ZNF556: variants seen among roughly 807,000 people sequenced by gnomAD.
The protein encoded by ZNF556 is zinc finger protein 556.
Under a neutral mutation model 13.6 loss-of-function variants are expected in ZNF556, and 11 were observed. The ratio of observed to expected loss-of-function variants is 0.81; its 90% CI spans 0.51 to 1.33. The LOEUF is 1.33. ZNF556 is among the 40% of genes most tolerant of loss of function. The probability of loss-of-function intolerance (pLI) is 0.00; values close to 1 mark genes in which losing one functional copy is unlikely to be tolerated. For missense variants in ZNF556, 633 were observed against 566.2 expected, an observed-to-expected ratio of 1.12 and a Z score of -1.20; for synonymous variants, 229 against 207.8, an observed-to-expected ratio of 1.10 and a Z score of -0.88.
Position 2,877,716 on chromosome 19 carries a change from A to C in ZNF556, c.758A>C (p.His253Pro). 6.2e-7 allele frequency: 1 copy of C among 1,613,700 alleles called. No homozygotes were observed. ...PKSFRAHVMMHAGGRPYECKH... is the reference protein window; with the variant it reads ...PKSFRAHVMMPAGGRPYECKH... Reference sequence around the variant, plus strand: ...TCCTTTCGCGCACATGTGATGATGCACGCCGGAGGGAGACCGTATGAGTGC... The same window carrying C: ...TCCTTTCGCGCACATGTGATGATGCCCGCCGGAGGGAGACCGTATGAGTGC... Residue 253 changes from histidine to proline, a missense_variant, in exon 4 of 4, where the codon CAC (histidine) becomes CCC (proline). His to Pro is a moderately conservative substitution (Grantham distance 77, BLOSUM62 -2). Coordinates refer to ENST00000307635, the MANE Select transcript of ZNF556 (RefSeq NM_024967.3).
chr19:2,875,288 G>A (rs2087841404), intron 2 of ZNF556: 1 of 152,140 alleles, frequency 6.6e-6, no homozygotes, highest in Admixed American at 6.6e-5. Flanking sequence ...CTGTGTCTCA[G>A]GTTCACGCCA....
chr19:2,876,008 G>T (rs1473025972), intron 2 of ZNF556, 85 bp from the exon 3 acceptor site: 2 of 1,080,398 alleles, frequency 1.9e-6, no homozygotes, highest in Non-Finnish European at 2.7e-6. Flanking sequence ...ATCACATAAT[G>T]AAGTCATGAA....
At chr19:2,877,210 C>G in intron 3 of ZNF556, 63 bp from the exon 4 acceptor site, 1 of 1,383,120 alleles carries the variant, frequency 7.2e-7, no homozygotes, top group Admixed American at 2.5e-5. Flanking sequence ...AACTCCATCT[C>G]AAGGAAAAAA....
In ZNF556 at chr19:2,883,395, A is replaced by G. The variant is rs1286141511; in HGVS notation, c.*5066A>G. ...GCTTAGACTTCCAGCAGCTATTAGA[A>G]GAGAAAAATATGTAACAGCTTTGTG... On this transcript the variant is annotated 3_prime_UTR_variant, in exon 4 of 4. Transcript: ENST00000307635. 2.0e-5 allele frequency: 3 copies of G among 152,212 alleles called. No individual in the cohort carries two copies. The highest frequency in any genetic ancestry group is 4.4e-5 in the Non-Finnish European group (3 of 68,046). The allele number at this position is 152,212 out of a possible 1,614,324, so 9.4% of individuals were successfully genotyped here.
rs142001645 is a variant in ZNF556 at position 2,871,018 on chromosome 19, G to A, written c.4-2478G>A. Among the ~76,000 whole-genome samples, 506 of 149,780 alleles carry A rather than the reference G, an allele frequency of 3.4e-3. 4 individuals carry two copies. The highest frequency in any genetic ancestry group is 0.011 in the African/African-American group (450 of 40,142). On this transcript the variant is annotated intron_variant, in intron 1 of 3. Coordinates refer to ENST00000307635, the MANE Select transcript of ZNF556 (RefSeq NM_024967.3). ...CGCACCATTGCACTCCAGCCTAGGT[G>A]ACAGAGCGAGACTCTATCTCAAAAA...
chr19:2,876,851 A>G (rs1326440085), intron 3 of ZNF556, among the ~76,000 whole-genome samples: 1 of 152,212 alleles, frequency 6.6e-6, no homozygotes, highest in Non-Finnish European at 1.5e-5. Context: ...AATAATTTCA[A>G]CAGTACAGGA....
chr19:2,867,509 G>A (rs1302357789), intron 1 of ZNF556, 85 bp downstream of exon 1: 7 of 1,549,778 alleles, frequency 4.5e-6, no homozygotes, highest in East Asian at 2.4e-5. Flanking sequence ...AAACTCCCGG[G>A]GGAGCCGCCC....
At chr19:2,876,065 A>G in intron 2 of ZNF556, 28 bp from the exon 3 acceptor site, 1 of 1,583,658 alleles carries the variant, frequency 6.3e-7, no homozygotes. Flanking sequence ...TGCCTTCCTC[A>G]TCATATTGGT....
chr19:2,879,756 C>G lies in ZNF556; in HGVS notation c.*1427C>G, dbSNP rs113050447. 1 of 151,976 alleles carries G rather than the reference C, an allele frequency of 6.6e-6. No homozygotes were observed. 9.4% of individuals were successfully genotyped at this position (151,976 alleles called of 1,614,324 possible). A position where few individuals can be genotyped will look rare whatever the true frequency, so the allele number is the denominator to read the frequency against. The stretch of plus-strand genomic sequence containing the variant: ...AAAAACACAGGGGATTGCGGCTGGG[C>G]GCGGTGACTCACGCCTGTAATCCCA... On this transcript the variant is annotated 3_prime_UTR_variant, in exon 4 of 4. Transcript: ENST00000307635.
At chr19:2,869,409 G>A (rs4806882) in intron 1 of ZNF556, among the ~76,000 whole-genome samples, 17 of 151,404 alleles carry the variant, frequency 1.1e-4, no homozygotes, top group Non-Finnish European at 1.8e-4. Context: ...CTCTGTCACC[G>A]ACGCTGGAGT....
At position 2,877,620 on chromosome 19, in the gene ZNF556, A is replaced by G. The variant is rs73519561; in HGVS notation, c.662A>G (p.His221Arg). The G allele has an allele frequency of 1.4e-3, 2,280 of 1,614,210 alleles. 18 individuals carry two copies. In the African/African-American group the frequency reaches 0.027, roughly 19 times the overall value. The part of the protein sequence containing the change: ...TFLRSHSLTE[H>R]VRTHTGEKPY... ...CTTCGTTCCCACTCTCTCACTGAAC[A>G]TGTAAGGACTCACACTGGAGAGAAA... Residue 221 changes from histidine to arginine, a missense_variant, in exon 4 of 4, where the codon CAT becomes CGT. Transcript: ENST00000307635.
At chr19:2,872,773 C>T (rs1269572243) in intron 1 of ZNF556, among the ~76,000 whole-genome samples, 10 of 146,766 alleles carry the variant, frequency 6.8e-5, no homozygotes, top group Admixed American at 4.1e-4. Flanking sequence ...GAGCCGGGAT[C>T]GCGCCACTGC....
chr19:2,877,707 T>C lies in ZNF556; in HGVS notation c.749T>C (p.Val250Ala). 1.9e-6 allele frequency: 3 copies of C among 1,613,842 alleles called. No individual in the cohort carries two copies. Among genetic ancestry groups the C allele is most frequent in the Non-Finnish European group, 8.5e-7 (1 of 1,179,962 alleles). The change falls in exon 4 of 4, where the codon GTG (valine) becomes GCG (alanine). Residue 250 changes from valine to alanine, a missense_variant. Physicochemically the swap from Val to Ala is moderately conservative, Grantham distance 64 (BLOSUM62 0). Coordinates refer to ENST00000307635, the MANE Select transcript of ZNF556 (RefSeq NM_024967.3). Reference sequence around the variant, plus strand: ...TGTCCCAAATCCTTTCGCGCACATGTGATGATGCACGCCGGAGGGAGACCG... The same window carrying C: ...TGTCCCAAATCCTTTCGCGCACATGCGATGATGCACGCCGGAGGGAGACCG... ...FSCPKSFRAHVMMHAGGRPYE... is the reference protein window; with the variant it reads ...FSCPKSFRAHAMMHAGGRPYE...
intron 1 of ZNF556, among the ~76,000 whole-genome samples, chr19:2,872,516 A>G (rs563274359): frequency 1.3e-5 from 2 of 152,338 alleles, no homozygotes; most frequent in South Asian, 4.1e-4. Flanking sequence ...TAATATTGGA[A>G]TAAAGAGTAA....
In ZNF556 at chr19:2,880,900, G is replaced by C. The variant is rs1034658577; in HGVS notation, c.*2571G>C. 1 of 133,650 alleles carries C rather than the reference G, an allele frequency of 7.5e-6. No homozygotes were observed. The highest frequency in any genetic ancestry group is 8.1e-5 in the Admixed American group (1 of 12,368). The allele number at this position is 133,650 out of a possible 1,614,324, so 8.3% of individuals were successfully genotyped here. A position where few individuals can be genotyped will look rare whatever the true frequency, so the allele number is the denominator to read the frequency against. On this transcript the variant is annotated 3_prime_UTR_variant, in exon 4 of 4. Transcript: ENST00000307635. The stretch of plus-strand genomic sequence containing the variant: ...TTTTTTTTTTTTGAGACAGATTCTC[G>C]CTCTGTTACCCAGGCTGGAGTGCAG...
In ZNF556 at chr19:2,876,697, G is replaced by A. The variant is rs112024518; in HGVS notation, c.314+421G>A. On this transcript the variant is annotated intron_variant, in intron 3 of 3. Transcript: ENST00000307635. ...GCCACTGCACTCCAGCCTGGGCTGG[G>A]CAACAGAGTGAGACTCTATCTCAAA... 7.5e-3 allele frequency among the ~76,000 whole-genome samples: 1,139 copies of A among 151,164 alleles called. 11 individuals are homozygous for A. The highest frequency in any genetic ancestry group is 0.026 in the African/African-American group (1,082 of 41,210).
rs2087917528 is a variant in ZNF556 at position 2,883,141 on chromosome 19, C to T, written c.*4812C>T. 6.6e-6 allele frequency: 1 copy of T among 152,058 alleles called. No homozygotes were observed. The highest frequency in any genetic ancestry group is 2.4e-5 in the African/African-American group (1 of 41,408). 9.4% of individuals were successfully genotyped at this position (152,058 alleles called of 1,614,324 possible). Reference sequence around the variant, plus strand: ...GCACAGTGATATCTAGGCAAGTGTGCCATGATTTCCTGGTGAGGATAAAAT... The same window carrying T: ...GCACAGTGATATCTAGGCAAGTGTGTCATGATTTCCTGGTGAGGATAAAAT... On this transcript the variant is annotated 3_prime_UTR_variant, in exon 4 of 4. Transcript: ENST00000307635.
Position 2,873,567 on chromosome 19 carries a change from G to A in ZNF556, c.75G>A (p.Gln25=). 10 of 1,614,162 alleles carry A rather than the reference G, an allele frequency of 6.2e-6. No individual in the cohort carries two copies. Among genetic ancestry groups the A allele is most frequent in the Non-Finnish European group, 8.5e-6 (10 of 1,180,002 alleles). The part of the protein sequence containing the change: ...LEEWALLNPA[Q]RKLYRDVMLE... Reference sequence around the variant, plus strand: ...AGTGGGCCTTGCTGAATCCTGCTCAGAGAAAACTCTACAGAGATGTCATGC... The same window carrying A: ...AGTGGGCCTTGCTGAATCCTGCTCAAAGAAAACTCTACAGAGATGTCATGC... Residue 25 remains glutamine (Q), a synonymous_variant, in exon 2 of 4, where the codon CAG becomes CAA. Coordinates refer to ENST00000307635, the MANE Select transcript of ZNF556 (RefSeq NM_024967.3).
intron 1 of ZNF556, among the ~76,000 whole-genome samples, chr19:2,869,147 T>C (rs1327217033): frequency 6.6e-6 from 1 of 152,190 alleles, no homozygotes. Flanking sequence ...AAAGACATTA[T>C]TACATGTGTG....
Sources: allele counts gnomAD v4.1 joint callset (sites outside exome capture counted in the v4.1 genomes callset), GRCh38; gene constraint gnomAD v4.1.1; transcripts MANE v1.5; gene names NCBI Gene and HGNC (gene_info 2026-07-23, HGNC 2026-07-21).